The following NRXN1 variants were observed in gnomAD, a reference collection of about 807,000 sequenced individuals.
The protein encoded by NRXN1 is neurexin-1.
Under a neutral mutation model 150.9 loss-of-function variants are expected in NRXN1, and 39 were observed. The ratio of observed to expected loss-of-function variants is 0.26; its 90% CI spans 0.20 to 0.34. The LOEUF (loss-of-function observed/expected upper bound fraction) is 0.34, where lower values mean the gene tolerates loss of function less well. NRXN1 is among the 10% of genes least tolerant of loss of function. The pLI is 1.00. For synonymous variants in NRXN1, 924 were observed against 757.0 expected (o/e 1.22, Z -3.62); for missense variants, 1,815 against 1,949.9 (o/e 0.93, Z 1.30).
At chr2:50,439,076 G>C (rs1401100367) in intron 17 of NRXN1, among the ~76,000 whole-genome samples, 2 of 152,192 alleles carry the variant, frequency 1.3e-5, no homozygotes, top group African/African-American at 4.8e-5. Flanking sequence ...GCTTTAAAAA[G>C]CCAAAATTGT....
chr2:50,108,319 T>C (rs1169922375), intron 18 of NRXN1, among the ~76,000 whole-genome samples: 1 of 152,066 alleles, frequency 6.6e-6, no homozygotes, highest in Non-Finnish European at 1.5e-5. Context: ...GCTGCATATA[T>C]TGCCATTTAC....
chr2:49,961,840 G>A (rs1404971472), intron 21 of NRXN1, among the ~76,000 whole-genome samples: 1 of 152,100 alleles, frequency 6.6e-6, no homozygotes, highest in Non-Finnish European at 1.5e-5. Context: ...CAAATTATAT[G>A]GTGTGACACC....
intron 21 of NRXN1, among the ~76,000 whole-genome samples, chr2:49,975,575 AAAT>A (rs1158741575): frequency 1.3e-5 from 2 of 152,168 alleles, no homozygotes; most frequent in Non-Finnish European, 2.9e-5. Context: ...GACTATCAGG[AAAT>A]AATAAAGCAT....
intron 17 of NRXN1, among the ~76,000 whole-genome samples, chr2:50,280,724 A>G (rs1379900252): frequency 6.6e-6 from 1 of 152,160 alleles, no homozygotes; most frequent in East Asian, 1.9e-4. Flanking sequence ...ACGGCGCTCT[A>G]ATTGATAGCT....
In NRXN1 at chr2:50,084,732, G is replaced by A. The variant is rs190733788; in HGVS notation, c.3718+6591C>T. On this transcript the variant is annotated intron_variant, in intron 19 of 22. Coordinates refer to ENST00000401669, the MANE Select transcript of NRXN1 (RefSeq NM_001330078.2). ...AGGCCGAGGAGGCACCGAGAGCGAG[G>A]GAGGGCTGCTAGCACGCTGTCACCT... 5.1e-3 allele frequency among the ~76,000 whole-genome samples: 774 copies of A among 152,274 alleles called. 7 individuals carry two copies. Among genetic ancestry groups the A allele is most frequent in the African/African-American group, 0.018 (745 of 41,566 alleles).
intron 8 of NRXN1, among the ~76,000 whole-genome samples, chr2:50,604,361 G>A (rs1041751845): frequency 6.6e-6 from 1 of 152,154 alleles, no homozygotes; most frequent in Admixed American, 6.6e-5. Context: ...TGATGCTTAT[G>A]CACAAAACTC....
chr2:50,398,226 A>T (rs937612839), intron 17 of NRXN1, among the ~76,000 whole-genome samples: 1 of 152,048 alleles, frequency 6.6e-6, no homozygotes, highest in African/African-American at 2.4e-5. Context: ...TTGCATTTCC[A>T]CTAAGGTCAC....
chr2:51,008,096 T>A (rs1667304330), intron 2 of NRXN1, among the ~76,000 whole-genome samples: 1 of 151,922 alleles, frequency 6.6e-6, no homozygotes, highest in African/African-American at 2.4e-5. Flanking sequence ...TAGAGGTTGC[T>A]CTTTGATTGT....
intron 8 of NRXN1, among the ~76,000 whole-genome samples, chr2:50,606,043 G>A (rs898293439): frequency 2.6e-5 from 4 of 152,026 alleles, no homozygotes; most frequent in African/African-American, 9.7e-5. Context: ...GAAGTCAGGA[G>A]TTCAAGACCA....
chr2:50,857,884 C>T (rs1283207028), intron 5 of NRXN1, among the ~76,000 whole-genome samples: 1 of 152,032 alleles, frequency 6.6e-6, no homozygotes, highest in Non-Finnish European at 1.5e-5. Context: ...CATTCTGCAT[C>T]GGTACTGGCT....
intron 8 of NRXN1, among the ~76,000 whole-genome samples, chr2:50,560,406 C>T (rs1668878915): frequency 1.5e-5 from 2 of 136,542 alleles, no homozygotes; most frequent in African/African-American, 5.8e-5. Context: ...AAGCCCTGTA[C>T]AAAGTAGTCT....
At chr2:50,981,418 A>G (rs1269865151) in intron 2 of NRXN1, among the ~76,000 whole-genome samples, 5 of 135,696 alleles carry the variant, frequency 3.7e-5, no homozygotes, top group Non-Finnish European at 6.1e-5. Context: ...AGATCGCACC[A>G]CTGCAGTCCA....
At chr2:50,750,824 G>T (rs887682004) in intron 5 of NRXN1, among the ~76,000 whole-genome samples, 9 of 152,010 alleles carry the variant, frequency 5.9e-5, no homozygotes, top group African/African-American at 1.9e-4. Context: ...AATAAGAAAT[G>T]AATGTGCAGA....
At chr2:50,602,873 C>T (rs763019875) in intron 8 of NRXN1, among the ~76,000 whole-genome samples, 1 of 152,188 alleles carries the variant, frequency 6.6e-6, no homozygotes, top group Non-Finnish European at 1.5e-5. Context: ...TGGCTTCTCA[C>T]TCTTTGATTT....
intron 18 of NRXN1, among the ~76,000 whole-genome samples, chr2:50,113,986 G>C (rs1342007759): frequency 2.6e-5 from 4 of 152,054 alleles, no homozygotes; most frequent in African/African-American, 9.7e-5. Context: ...TGGAAGGTAA[G>C]ATCTATATAT....
At chr2:50,078,645 T>G (rs1163402234) in intron 19 of NRXN1, among the ~76,000 whole-genome samples, 1 of 152,102 alleles carries the variant, frequency 6.6e-6, no homozygotes, top group African/African-American at 2.4e-5. Flanking sequence ...ATTCGTGTAG[T>G]TAACACTTTT....
At chr2:50,443,010 A>G (rs2086095389) in intron 17 of NRXN1, among the ~76,000 whole-genome samples, 1 of 152,160 alleles carries the variant, frequency 6.6e-6, no homozygotes, top group South Asian at 2.1e-4. Flanking sequence ...CGGGAGCCAG[A>G]TTGGAGTGGG....
intron 5 of NRXN1, among the ~76,000 whole-genome samples, chr2:50,643,619 C>A (rs887696257): frequency 1.3e-5 from 2 of 151,832 alleles, no homozygotes; most frequent in African/African-American, 4.8e-5. Context: ...TACTTTTCCA[C>A]ATGTATAATC....
Position 50,624,989 on chromosome 2 carries a change from A to C in NRXN1, c.833-1374T>G, listed in dbSNP as rs560292570. On this transcript the variant is annotated intron_variant, in intron 5 of 22. Coordinates refer to ENST00000401669, the MANE Select transcript of NRXN1 (RefSeq NM_001330078.2). ...GATGCTGTGCCAAGAAAAATGAGAC[A>C]GCATGGTTGGGAATCAGCTTCTGAT... The C allele has an allele frequency of 1.1e-4, 16 of 152,152 alleles. 1 individual carries two copies. Among genetic ancestry groups the C allele is most frequent in the African/African-American group, 3.4e-4 (14 of 41,540 alleles). 9.4% of individuals were successfully genotyped at this position (152,152 alleles called of 1,614,324 possible).
Sources: gnomAD v4.1 joint callset for allele counts (sites outside exome capture counted in the v4.1 genomes callset) on GRCh38, gnomAD v4.1.1 for gene constraint, MANE v1.5 for transcripts, NCBI Gene and HGNC (gene_info 2026-07-23, HGNC 2026-07-21) for gene names.